Variants in PCDH9 observed in about 807,000 individuals in gnomAD.
PCDH9 encodes the protein protocadherin 9, also known as protocadherin-9.
A neutral mutation model predicts 70.6 loss-of-function variants in PCDH9; 24 were observed. The ratio of observed to expected loss-of-function variants is 0.34; its 90% CI spans 0.25 to 0.48. The LOEUF (loss-of-function observed/expected upper bound fraction) is 0.48, where lower values mean the gene tolerates loss of function less well. Ranked by LOEUF, PCDH9 falls within the 20% of genes least tolerant of loss-of-function variation. The pLI is 0.99. For synonymous variants in PCDH9, 562 were observed against 558.5 expected (o/e 1.01, Z -0.09); for missense variants, 1,281 against 1,503.6 (o/e 0.85, Z 2.45).
intron 4 of PCDH9, among the ~76,000 whole-genome samples, chr13:66,509,909 C>A (rs187435216): frequency 9.9e-5 from 15 of 152,232 alleles, no homozygotes; most frequent in African/African-American, 3.6e-4. Context: ...ACATTGAAAA[C>A]ATTTTTCTAT....
In PCDH9 at chr13:67,226,683, T is replaced by C. The variant is rs754211478; in HGVS notation, c.1758A>G (p.Pro586=). ...HFQFFVSENL[P]KYSTVGVITV... is the part of the protein sequence containing the mutation. ...TGATTACCCCCACAGTACTATACTTTGGCAGATTCTCAGACACAAAAAATT... is the reference window on the plus strand; with the variant it reads ...TGATTACCCCCACAGTACTATACTTCGGCAGATTCTCAGACACAAAAAATT... Residue 586 remains proline (P), a synonymous_variant, in exon 2 of 5, where the codon CCA becomes CCG. Transcript: ENST00000377865. The surrounding 1 kb of genome is among the most constrained non-coding windows in gnomAD (Gnocchi z 5.0). 6 of 1,614,064 alleles carry C rather than the reference T, an allele frequency of 3.7e-6. No homozygotes were observed. The highest frequency in any genetic ancestry group is 5.1e-6 in the Non-Finnish European group (6 of 1,179,908).
At chr13:66,459,250 T>C (rs1393468932) in intron 4 of PCDH9, among the ~76,000 whole-genome samples, 1 of 151,936 alleles carries the variant, frequency 6.6e-6, no homozygotes, top group Non-Finnish European at 1.5e-5. Flanking sequence ...GCATGTATAC[T>C]CATAGGTTCT....
chr13:66,714,775 T>C (rs954378340), intron 3 of PCDH9, among the ~76,000 whole-genome samples: 2 of 152,230 alleles, frequency 1.3e-5, no homozygotes, highest in Non-Finnish European at 2.9e-5. Context: ...AAAAGATTAC[T>C]ACTTTACTTC....
chr13:66,737,245 G>C (rs1478189882), intron 3 of PCDH9, among the ~76,000 whole-genome samples: 2 of 151,948 alleles, frequency 1.3e-5, no homozygotes, highest in Non-Finnish European at 2.9e-5. Context: ...CTTGCATTTT[G>C]GTTTTGTCTG....
chr13:66,727,636 T>C (rs2079022586), intron 3 of PCDH9, among the ~76,000 whole-genome samples: 1 of 152,078 alleles, frequency 6.6e-6, no homozygotes, highest in Non-Finnish European at 1.5e-5. Context: ...GATATAGGCA[T>C]AGACTTAGAT....
In PCDH9 at chr13:67,045,529, G is replaced by C. The variant is rs150110318; in HGVS notation, c.3037-141924C>G. Among the ~76,000 whole-genome samples, 229 of 151,502 alleles carry C rather than the reference G, an allele frequency of 1.5e-3. 1 individual carries two copies. The highest frequency in any genetic ancestry group is 5.3e-3 in the African/African-American group (219 of 41,292). ...TTGGTTTCTAGCTTGATAATGCAGT[G>C]GTATTACCCAGAAACAACAACAAGA... On this transcript the variant is annotated intron_variant, in intron 2 of 4. Transcript: ENST00000377865.
chr13:66,473,656 A>G (rs2138489097), intron 4 of PCDH9, among the ~76,000 whole-genome samples: 1 of 152,302 alleles, frequency 6.6e-6, no homozygotes, highest in East Asian at 1.9e-4. Flanking sequence ...GTCATTAGCA[A>G]TTCACTTCAC....
At chr13:66,465,269 G>C (rs1014808678) in intron 4 of PCDH9, among the ~76,000 whole-genome samples, 1 of 151,782 alleles carries the variant, frequency 6.6e-6, no homozygotes, top group Admixed American at 6.6e-5. Context: ...ATATTTTCTA[G>C]AGGACTAAAA....
chr13:66,304,668 T>C lies in PCDH9; in HGVS notation c.3701A>G (p.Glu1234Gly). Residue 1234 changes from glutamate (E) to glycine (G), a missense_variant, in exon 5 of 5, where the codon GAG (glutamate) becomes GGG (glycine). This residue lies in a region of PCDH9 where 264 missense variants were observed against 278.8 expected (regional missense o/e 0.95). Transcript: ENST00000377865. Reference sequence around the variant, plus strand: ...TATAGCCTTTTCTTAGAGTTGGTGCTCCTTAGGACTCTCAGTAGCACCTCC... The same window carrying C: ...TATAGCCTTTTCTTAGAGTTGGTGCCCCTTAGGACTCTCAGTAGCACCTCC... The part of the protein sequence containing the change: ...QAGGATESPK[E>G]HQL 1 of 1,612,860 alleles carries C rather than the reference T, an allele frequency of 6.2e-7. No homozygotes were observed. The highest frequency in any genetic ancestry group is 1.1e-5 in the South Asian group (1 of 91,036).
At chr13:66,696,620 C>T (rs1292554609) in intron 3 of PCDH9, among the ~76,000 whole-genome samples, 1 of 152,014 alleles carries the variant, frequency 6.6e-6, no homozygotes, top group African/African-American at 2.4e-5. Context: ...AACTGGATTC[C>T]TCTGAGAAGA....
intron 4 of PCDH9, among the ~76,000 whole-genome samples, chr13:66,462,716 T>C (rs545586444): frequency 1.8e-4 from 27 of 151,904 alleles, no homozygotes; most frequent in Non-Finnish European, 1.3e-4. Flanking sequence ...TTAAATCTTT[T>C]TATGCCTTAA....
chr13:66,717,880 C>T (rs917781397), intron 3 of PCDH9, among the ~76,000 whole-genome samples: 11 of 152,080 alleles, frequency 7.2e-5, no homozygotes, highest in African/African-American at 2.7e-4. Flanking sequence ...TTTACACAGA[C>T]CCACACTTCT....
intron 2 of PCDH9, among the ~76,000 whole-genome samples, chr13:66,948,938 T>C (rs1336878225): frequency 6.6e-6 from 1 of 152,144 alleles, no homozygotes. Context: ...GTGTCTATTT[T>C]TGCATAGAAA....
At chr13:67,006,222 G>A (rs2084352055) in intron 2 of PCDH9, among the ~76,000 whole-genome samples, 1 of 150,560 alleles carries the variant, frequency 6.6e-6, no homozygotes, top group Non-Finnish European at 1.5e-5. Context: ...GAGAGACTCC[G>A]TCTCAAAACA....
chr13:66,515,560 T>C (rs1037053771), intron 4 of PCDH9, among the ~76,000 whole-genome samples: 4 of 151,994 alleles, frequency 2.6e-5, no homozygotes, highest in African/African-American at 9.7e-5. Context: ...GCAGTAGTAA[T>C]GCTTTTATTT....
rs185830552 is a variant in PCDH9, at chr13:66,573,222, G to A, written c.3340+57988C>T. On this transcript the variant is annotated intron_variant, in intron 4 of 4. Transcript: ENST00000377865. ...TTTTTCATATACTTTTTGGCTATTTGTATGTCTCTTTTTGAGAAATGTCTA... is the reference window on the plus strand; with the variant it reads ...TTTTTCATATACTTTTTGGCTATTTATATGTCTCTTTTTGAGAAATGTCTA... 4.3e-5 allele frequency among the ~76,000 whole-genome samples: 6 copies of A among 139,578 alleles called. No individual in the cohort carries two copies. In the South Asian group the frequency reaches 1.1e-3, roughly 26 times the overall value. The allele number at this position is 139,578 out of a possible 152,430, so 91.6% of individuals were successfully genotyped here.
At chr13:67,041,002 T>C (rs1220181937) in intron 2 of PCDH9, among the ~76,000 whole-genome samples, 3 of 152,110 alleles carry the variant, frequency 2.0e-5, no homozygotes, top group Admixed American at 2.0e-4. Context: ...TTTTGAAACT[T>C]CTTCATCCTG....
intron 4 of PCDH9, among the ~76,000 whole-genome samples, chr13:66,433,336 T>G (rs948313444): frequency 1.3e-5 from 2 of 151,952 alleles, no homozygotes; most frequent in African/African-American, 4.8e-5. Flanking sequence ...TCATATACTT[T>G]CATCATTTAT....
intron 2 of PCDH9, among the ~76,000 whole-genome samples, chr13:67,066,379 G>A (rs926180910): frequency 8.2e-4 from 124 of 151,960 alleles, no homozygotes; most frequent in Non-Finnish European, 1.0e-3. Flanking sequence ...GATTACAGGC[G>A]CCTGCCACCA....
Sources: gnomAD v4.1 joint callset for allele counts (sites outside exome capture counted in the v4.1 genomes callset) on GRCh38, gnomAD v4.1.1 for gene constraint, gnomAD v4.1.1 regional missense constraint, Gnocchi (gnomAD v3.1) non-coding constraint, MANE v1.5 for transcripts, NCBI Gene and HGNC (gene_info 2026-07-23, HGNC 2026-07-21) for gene names.